Variants in KCNIP4 observed in about 807,000 individuals in gnomAD.
The protein encoded by KCNIP4 is potassium voltage-gated channel interacting protein 4.
A neutral mutation model predicts 34.0 loss-of-function variants in KCNIP4; 12 were observed. The observed-to-expected ratio is 0.35, with a 90% CI of 0.23 to 0.57. The LOEUF (loss-of-function observed/expected upper bound fraction) is 0.57, where lower values mean the gene tolerates loss of function less well. Ranked by LOEUF, KCNIP4 falls within the 20% of genes least tolerant of loss-of-function variation. KCNIP4 has a pLI of 0.83. For missense variants in KCNIP4, 238 were observed against 311.7 expected (o/e 0.76, Z 1.78); for synonymous variants, 124 against 102.2 (o/e 1.21, Z -1.29).
chr4:21,738,224 C>A (rs6840933), intron 1 of KCNIP4, among the ~76,000 whole-genome samples: 13,774 of 151,922 alleles, frequency 0.091, 2,101 homozygotes, highest in African/African-American at 0.32. Flanking sequence ...TTTTATTCCT[C>A]TTTATATAAT....
intron 1 of KCNIP4, among the ~76,000 whole-genome samples, chr4:21,808,749 C>A (rs1416134639): frequency 1.3e-5 from 2 of 152,112 alleles, no homozygotes; most frequent in Admixed American, 6.5e-5. Flanking sequence ...GAATTCTCTC[C>A]AGGTTTATTC....
At chr4:21,646,333 T>C in intron 1 of KCNIP4, among the ~76,000 whole-genome samples, 1 of 152,168 alleles carries the variant, frequency 6.6e-6, no homozygotes, top group East Asian at 1.9e-4. Flanking sequence ...GCTATCCTAT[T>C]AAATGTGCTT....
intron 1 of KCNIP4, among the ~76,000 whole-genome samples, chr4:21,711,190 T>C (rs780950989): frequency 3.3e-5 from 5 of 152,058 alleles, no homozygotes; most frequent in Non-Finnish European, 7.4e-5. Flanking sequence ...AAAAAGGAAA[T>C]GGGCCAGACA....
intron 1 of KCNIP4, among the ~76,000 whole-genome samples, chr4:21,648,022 C>T (rs866350581): frequency 3.3e-4 from 50 of 151,664 alleles, no homozygotes; most frequent in African/African-American, 1.1e-3. Context: ...TACAGACGCT[C>T]GCCACCACGC....
At chr4:20,884,437 C>T (rs931021280) in intron 1 of KCNIP4, among the ~76,000 whole-genome samples, 9 of 151,696 alleles carry the variant, frequency 5.9e-5, no homozygotes, top group Admixed American at 3.9e-4. Context: ...TGTGATGTTC[C>T]CCTTCTTTTA....
intron 1 of KCNIP4, among the ~76,000 whole-genome samples, chr4:21,112,782 A>C (rs1400130846): frequency 2.0e-5 from 3 of 152,180 alleles, no homozygotes; most frequent in Non-Finnish European, 4.4e-5. Context: ...TTTGTCTTAA[A>C]TTGATTAGAA....
chr4:20,906,554 C>G (rs552776495), intron 1 of KCNIP4, among the ~76,000 whole-genome samples: 1 of 152,268 alleles, frequency 6.6e-6, no homozygotes, highest in African/African-American at 2.4e-5. Flanking sequence ...TTCATTTGCT[C>G]CCCCTTGCCT....
At chr4:21,383,950 A>G (rs1721773022) in intron 1 of KCNIP4, among the ~76,000 whole-genome samples, 1 of 152,090 alleles carries the variant, frequency 6.6e-6, no homozygotes, top group South Asian at 2.1e-4. Flanking sequence ...CCTACCTCTC[A>G]TACCTACTTT....
At chr4:21,048,683 AG>A (rs1333508556) in intron 1 of KCNIP4, among the ~76,000 whole-genome samples, 1 of 152,224 alleles carries the variant, frequency 6.6e-6, no homozygotes, top group African/African-American at 2.4e-5. Context: ...AAGTGATTAA[AG>A]ATGGCCACAC....
chr4:21,127,657 T>C (rs1577740377), intron 1 of KCNIP4, among the ~76,000 whole-genome samples: 1 of 152,310 alleles, frequency 6.6e-6, no homozygotes, highest in Admixed American at 6.5e-5. Context: ...TTAACATATG[T>C]TTATTGAAGA....
intron 3 of KCNIP4, among the ~76,000 whole-genome samples, chr4:20,786,461 C>T (rs1329910238): frequency 2.6e-5 from 4 of 152,152 alleles, no homozygotes; most frequent in African/African-American, 4.8e-5. Flanking sequence ...AAATAAAAGC[C>T]AAAGAGGCAA....
At chr4:21,395,069 C>G (rs984021430) in intron 1 of KCNIP4, among the ~76,000 whole-genome samples, 2 of 152,008 alleles carry the variant, frequency 1.3e-5, no homozygotes, top group Non-Finnish European at 2.9e-5. Flanking sequence ...TGTGGGGACC[C>G]ACTCAGAACC....
intron 1 of KCNIP4, among the ~76,000 whole-genome samples, chr4:21,213,085 G>T (rs1019849486): frequency 1.3e-5 from 2 of 151,930 alleles, no homozygotes; most frequent in Non-Finnish European, 2.9e-5. Flanking sequence ...AAACTTGCAG[G>T]GATTTTGGCT....
intron 1 of KCNIP4, chr4:21,613,757 T>C (rs1577693965): frequency 6.6e-6 from 1 of 152,180 alleles, no homozygotes; most frequent in Admixed American, 6.5e-5. Context: ...GTTCCATGCA[T>C]TTATTTACAT....
intron 1 of KCNIP4, among the ~76,000 whole-genome samples, chr4:21,038,454 C>G (rs181682031): frequency 6.6e-6 from 1 of 152,140 alleles, no homozygotes; most frequent in Non-Finnish European, 1.5e-5. Context: ...TACCAACAGT[C>G]TCATGAGGCT....
intron 1 of KCNIP4, among the ~76,000 whole-genome samples, chr4:20,905,500 G>GT (rs202036730): frequency 4.8e-5 from 3 of 63,090 alleles, no homozygotes; most frequent in East Asian, 4.9e-4. Flanking sequence ...GTAGTTGAAC[G>GT]TTTTCTTTCT....
chr4:21,406,619 A>G (rs113215405), intron 1 of KCNIP4, among the ~76,000 whole-genome samples: 41 of 152,346 alleles, frequency 2.7e-4, no homozygotes, highest in African/African-American at 8.9e-4. Context: ...TATGACAATT[A>G]TCTCAAGGAA....
At chr4:20,975,164 T>C (rs543391485) in intron 1 of KCNIP4, among the ~76,000 whole-genome samples, 98 of 152,362 alleles carry the variant, frequency 6.4e-4, no homozygotes, top group African/African-American at 2.3e-3. Context: ...TCAAAGACCA[T>C]GATCTTATCC....
chr4:21,270,916 G>A (rs1457442898), intron 1 of KCNIP4, among the ~76,000 whole-genome samples: 1 of 146,020 alleles, frequency 6.8e-6, no homozygotes, highest in Non-Finnish European at 1.5e-5. Context: ...AACCTGGGAA[G>A]CAGAAGTAGC....
Sources: allele counts gnomAD v4.1 joint callset (sites outside exome capture counted in the v4.1 genomes callset), GRCh38; gene constraint gnomAD v4.1.1; transcripts MANE v1.5; gene names NCBI Gene and HGNC (gene_info 2026-07-23, HGNC 2026-07-21).